AKT3: variants seen among roughly 807,000 people sequenced by gnomAD.
AKT3 encodes RAC-gamma serine/threonine-protein kinase.
In AKT3, 15 loss-of-function variants were observed where a neutral mutation model predicts 65.3. The ratio of observed to expected loss-of-function variants is 0.23; its 90% confidence interval spans 0.15 to 0.35. The LOEUF (loss-of-function observed/expected upper bound fraction) is 0.35, where lower values mean the gene tolerates loss of function less well. AKT3 is among the 10% of genes least tolerant of loss of function. The probability of loss-of-function intolerance (pLI) is 1.00; values close to 1 mark genes in which losing one functional copy is unlikely to be tolerated. For synonymous variants in AKT3, 206 were observed against 183.8 expected (o/e 1.12, Z -0.98); for missense variants, 243 against 576.5 (o/e 0.42, Z 5.92).
chr1:243,756,961 A>G (rs1313918290), intron 2 of AKT3, among the ~76,000 whole-genome samples: 1 of 152,222 alleles, frequency 6.6e-6, no homozygotes, highest in East Asian at 1.9e-4. Context: ...ACATCTAATC[A>G]GGAAGAAACA....
At chr1:243,791,533 T>G (rs923059867) in intron 2 of AKT3, among the ~76,000 whole-genome samples, 4 of 152,220 alleles carry the variant, frequency 2.6e-5, no homozygotes. Flanking sequence ...TAAAATGGTT[T>G]TGTAAAAACT....
At chr1:243,751,034 GATTA>G (rs1236568343) in intron 2 of AKT3, among the ~76,000 whole-genome samples, 1 of 151,894 alleles carries the variant, frequency 6.6e-6, no homozygotes, top group Non-Finnish European at 1.5e-5. Flanking sequence ...TTTGGAAAAA[GATTA>G]ATTTTCTAAT....
intron 9 of AKT3, among the ~76,000 whole-genome samples, chr1:243,570,406 G>C (rs962320633): frequency 6.6e-6 from 1 of 152,164 alleles, no homozygotes; most frequent in African/African-American, 2.4e-5. Context: ...ACCTTCTGCA[G>C]TTTAATTTGA....
chr1:243,844,679 A>G (rs1348129913), intron 1 of AKT3, among the ~76,000 whole-genome samples: 1 of 152,112 alleles, frequency 6.6e-6, no homozygotes, highest in Non-Finnish European at 1.5e-5. Flanking sequence ...GGGTCCCGCT[A>G]TATTGTCCAC....
intron 8 of AKT3, among the ~76,000 whole-genome samples, chr1:243,606,564 AG>A (rs765164271): frequency 6.6e-6 from 1 of 152,250 alleles, no homozygotes; most frequent in Non-Finnish European, 1.5e-5. Flanking sequence ...AAAGCATTGA[AG>A]AGAACGCGGA....
chr1:243,725,069 G>A (rs969489493), intron 2 of AKT3, among the ~76,000 whole-genome samples: 44 of 151,658 alleles, frequency 2.9e-4, no homozygotes, highest in African/African-American at 9.9e-4. Flanking sequence ...AATTAGCCTG[G>A]CATGATGATG....
At position 243,515,757 on chromosome 1, in the gene AKT3, G is replaced by A. The variant is rs146375258; in HGVS notation, c.1252-3331C>T. ...TGTAATCCCAGCACTTTGGGAGGCC[G>A]AGGCAGGCAGATCACCAGGTCAGGA... is the stretch of plus-strand genomic sequence containing the variant. On this transcript the variant is annotated intron_variant, in intron 12 of 13. Coordinates refer to ENST00000673466, the MANE Select transcript of AKT3 (RefSeq NM_005465.7). Among the ~76,000 whole-genome samples the A allele has an allele frequency of 9.9e-3, 1,501 of 152,272 alleles. 27 individuals carry two copies. The highest frequency in any genetic ancestry group is 0.035 in the African/African-American group (1,452 of 41,548).
At chr1:243,631,254 C>T (rs889473239) in intron 6 of AKT3, among the ~76,000 whole-genome samples, 2 of 152,194 alleles carry the variant, frequency 1.3e-5, no homozygotes, top group East Asian at 1.9e-4. Flanking sequence ...CTTCTCTTGA[C>T]GTTGATGGCT....
chr1:243,533,548 TAAAA>T (rs1452234859), intron 12 of AKT3, among the ~76,000 whole-genome samples: 1 of 152,084 alleles, frequency 6.6e-6, no homozygotes. Context: ...GGCTGGCAGT[TAAAA>T]AAAGTTAAAA....
intron 8 of AKT3, among the ~76,000 whole-genome samples, chr1:243,591,767 A>G (rs968256796): frequency 2.6e-5 from 4 of 152,212 alleles, no homozygotes; most frequent in African/African-American, 4.8e-5. Context: ...TCTGAAATAA[A>G]AAATATACTA....
intron 6 of AKT3, among the ~76,000 whole-genome samples, chr1:243,618,107 GGCTTATCAC>G (rs1678465106): frequency 6.6e-6 from 1 of 152,086 alleles, no homozygotes; most frequent in Non-Finnish European, 1.5e-5. Context: ...TGTTAAAACA[GGCTTATCAC>G]GCATAATAGT....
At chr1:243,810,758 C>A (rs998464471) in intron 2 of AKT3, among the ~76,000 whole-genome samples, 2 of 152,156 alleles carry the variant, frequency 1.3e-5, no homozygotes, top group Admixed American at 6.5e-5. Context: ...CCCTGATGAA[C>A]ATCGATGCAA....
At position 243,501,281 on chromosome 1, in the gene AKT3, A is replaced by C; in HGVS notation, c.*3968T>G. Reference sequence around the variant, plus strand: ...GCCATCCTACCCATCTACATCACCCACGTCTAAGTTTGTTAATTTGCCATG... The same window carrying C: ...GCCATCCTACCCATCTACATCACCCCCGTCTAAGTTTGTTAATTTGCCATG... On this transcript the variant is annotated 3_prime_UTR_variant, in exon 14 of 14. Transcript: ENST00000673466. 1 of 233,048 alleles carries C rather than the reference A, an allele frequency of 4.3e-6. No individual in the cohort carries two copies. The highest frequency in any genetic ancestry group is 6.0e-5 in the East Asian group (1 of 16,576). 14.4% of individuals were successfully genotyped at this position (233,048 alleles called of 1,614,324 possible).
chr1:243,544,698 G>GTTTTTTTT (rs149837431), intron 12 of AKT3, among the ~76,000 whole-genome samples: 1 of 94,056 alleles, frequency 1.1e-5, no homozygotes. Flanking sequence ...GTGGTTTTTT[G>GTTTTTTTT]TTTTTTGTTT....
chr1:243,637,521 T>G (rs988971403), intron 6 of AKT3, 90 bp downstream of exon 6: 1 of 1,140,486 alleles, frequency 8.8e-7, no homozygotes. Context: ...TTAATGGAAT[T>G]TGCATACATT....
intron 3 of AKT3, among the ~76,000 whole-genome samples, chr1:243,688,906 T>C (rs143153156): frequency 2.6e-5 from 4 of 152,278 alleles, no homozygotes; most frequent in African/African-American, 9.6e-5. Context: ...TACTCCTTAA[T>C]ACTTGCCTTC....
rs1340343316 is a variant in AKT3, at chr1:243,502,622, A to T, written c.*2627T>A. 4.3e-6 allele frequency: 1 copy of T among 233,274 alleles called. No homozygotes were observed. Among genetic ancestry groups the T allele is most frequent in the East Asian group, 6.0e-5 (1 of 16,600 alleles). The allele number at this position is 233,274 out of a possible 1,614,324, so 14.5% of individuals were successfully genotyped here. A position where few individuals can be genotyped will look rare whatever the true frequency, so the allele number is the denominator to read the frequency against. On this transcript the variant is annotated 3_prime_UTR_variant, in exon 14 of 14. Transcript: ENST00000673466. ...GTTTTAGAAATCTCCCTCTACACGC[A>T]TTTCTGGTTTTCTATTATTCCTCCA...
chr1:243,696,264 C>T (rs949688414), intron 2 of AKT3, among the ~76,000 whole-genome samples: 1 of 151,642 alleles, frequency 6.6e-6, no homozygotes, highest in Non-Finnish European at 1.5e-5. Flanking sequence ...CAATGCTGTA[C>T]TTAAGAAAAC....
chr1:243,707,977 C>G (rs1042073890), intron 2 of AKT3, among the ~76,000 whole-genome samples: 14 of 152,026 alleles, frequency 9.2e-5, no homozygotes, highest in African/African-American at 3.4e-4. Context: ...GGAATCTATG[C>G]TTCCATTTTA....
Sources: gnomAD v4.1 joint callset for allele counts (sites outside exome capture counted in the v4.1 genomes callset) on GRCh38, gnomAD v4.1.1 for gene constraint, MANE v1.5 for transcripts, NCBI Gene and HGNC (gene_info 2026-07-23, HGNC 2026-07-21) for gene names.